MYO9A: variants seen among roughly 807,000 people sequenced by gnomAD.
MYO9A encodes the protein myosin IXA.
Under a neutral mutation model 293.3 loss-of-function variants are expected in MYO9A, and 103 were observed. That is an observed-to-expected ratio of 0.35 (90% CI 0.30 to 0.41). The LOEUF is 0.41. Ranked by LOEUF, MYO9A falls within the 10% of genes least tolerant of loss-of-function variation. MYO9A has a pLI of 1.00. For missense variants in MYO9A, 2,685 were observed against 3,033.0 expected, an observed-to-expected ratio of 0.89 and a Z score of 2.69; for synonymous variants, 1,001 against 1,035.7, an observed-to-expected ratio of 0.97 and a Z score of 0.64.
At chr15:71,982,627 C>T (rs1197875049) in intron 11 of MYO9A, among the ~76,000 whole-genome samples, 3 of 152,230 alleles carry the variant, frequency 2.0e-5, no homozygotes, top group Admixed American at 2.0e-4. Context: ...ACATTCTGCT[C>T]TGAAGGACAG....
chr15:71,842,656 G>A (rs1378247387), intron 39 of MYO9A, among the ~76,000 whole-genome samples: 11 of 151,878 alleles, frequency 7.2e-5, no homozygotes, highest in Admixed American at 5.9e-4. Context: ...TCAGGAGATC[G>A]AGACTATCCT....
At chr15:72,048,944 C>T (rs1008797872) in intron 1 of MYO9A, among the ~76,000 whole-genome samples, 1 of 152,136 alleles carries the variant, frequency 6.6e-6, no homozygotes, top group African/African-American at 2.4e-5. Context: ...ATTTACATTT[C>T]AAAATTATTT....
At chr15:72,113,941 TG>T (rs1163205670) in intron 1 of MYO9A, among the ~76,000 whole-genome samples, 3 of 152,046 alleles carry the variant, frequency 2.0e-5, no homozygotes, top group Non-Finnish European at 4.4e-5. Flanking sequence ...GATGTTGGCA[TG>T]GGGGTCACAT....
intron 21 of MYO9A, 39 bp downstream of exon 21, chr15:71,903,890 A>C: frequency 6.7e-7 from 1 of 1,497,152 alleles, no homozygotes; most frequent in Non-Finnish European, 9.3e-7. Flanking sequence ...CATTTACTTG[A>C]TGTGTCTAAA....
intron 31 of MYO9A, 52 bp downstream of exon 31, chr15:71,877,987 TA>T: frequency 6.9e-7 from 1 of 1,453,888 alleles, no homozygotes; most frequent in South Asian, 1.4e-5. Context: ...CAAACGCTCT[TA>T]AAAAGAATTC....
At chr15:72,002,297 G>T (rs1208214982) in intron 8 of MYO9A, among the ~76,000 whole-genome samples, 1 of 151,190 alleles carries the variant, frequency 6.6e-6, no homozygotes, top group Non-Finnish European at 1.5e-5. Context: ...ACCCAGGCTG[G>T]AGTGCAATGG....
At chr15:71,992,829 T>C in intron 10 of MYO9A, among the ~76,000 whole-genome samples, 1 of 151,448 alleles carries the variant, frequency 6.6e-6, no homozygotes, top group East Asian at 1.9e-4. Context: ...TAAGAATAAA[T>C]ATTTTATAAT....
intron 14 of MYO9A, among the ~76,000 whole-genome samples, chr15:71,958,287 A>G (rs2059249221): frequency 6.6e-6 from 1 of 152,108 alleles, no homozygotes. Flanking sequence ...CATTTAAACC[A>G]TTTTTACAAT....
intron 1 of MYO9A, among the ~76,000 whole-genome samples, chr15:72,116,606 T>C (rs1309386094): frequency 2.6e-5 from 4 of 152,176 alleles, no homozygotes; most frequent in Non-Finnish European, 5.9e-5. Context: ...CTTATTTTTC[T>C]AGCAAATCCA....
rs1297080833 is a variant in MYO9A at position 71,854,396 on chromosome 15, A to T, written c.6327T>A (p.Leu2109=). 3 of 1,596,182 alleles carry T rather than the reference A, an allele frequency of 1.9e-6. No individual in the cohort carries two copies. In the South Asian group the frequency reaches 3.5e-5, roughly 19 times the overall value. ...KSGSTNKIKE[L]RQGLDTDAES... ...TCTTACCTGTATCTAGACCCTGCCG[A>T]AGCTCCTTGATTTTATTAGTCGAAC... Residue 2109 remains leucine (L), a synonymous_variant, in exon 35 of 42, where the codon CTT becomes CTA. Coordinates refer to ENST00000356056, the MANE Select transcript of MYO9A (RefSeq NM_006901.4).
intron 12 of MYO9A, among the ~76,000 whole-genome samples, chr15:71,973,153 G>C (rs11852789): frequency 0.2 from 29,697 of 152,056 alleles, 3,179 homozygotes; most frequent in East Asian, 0.41. Flanking sequence ...GAATTGTGCA[G>C]GGGCAACAAA....
intron 28 of MYO9A, 145 bp from the exon 29 acceptor site, chr15:71,880,703 G>C (rs1478465536): frequency 1.4e-6 from 1 of 705,854 alleles, no homozygotes; most frequent in Non-Finnish European, 2.3e-6. Context: ...AATGTTTGAG[G>C]TTAGGCAGCT....
chr15:71,879,050 C>T (rs1279324598), intron 30 of MYO9A, among the ~76,000 whole-genome samples: 1 of 152,082 alleles, frequency 6.6e-6, no homozygotes, highest in Non-Finnish European at 1.5e-5. Flanking sequence ...CCACTGCGCC[C>T]AGCCAAGTAG....
At chr15:72,043,341 G>A (rs145970445) in intron 2 of MYO9A, among the ~76,000 whole-genome samples, 2 of 152,200 alleles carry the variant, frequency 1.3e-5, no homozygotes, top group East Asian at 3.9e-4. Context: ...CTTATCATCT[G>A]ATCTAGTCAT....
chr15:71,856,591 A>C (rs1237297928), intron 34 of MYO9A, among the ~76,000 whole-genome samples: 1 of 152,210 alleles, frequency 6.6e-6, no homozygotes, highest in Admixed American at 6.5e-5. Context: ...AAGCTACCAG[A>C]TAATTTTAAA....
intron 39 of MYO9A, among the ~76,000 whole-genome samples, chr15:71,844,401 G>A (rs750249208): frequency 7.2e-5 from 11 of 152,180 alleles, no homozygotes; most frequent in Admixed American, 2.0e-4. Context: ...GAAACAGACA[G>A]TCTTAATTAT....
intron 39 of MYO9A, among the ~76,000 whole-genome samples, chr15:71,841,855 C>T (rs2055176785): frequency 6.6e-6 from 1 of 151,218 alleles, no homozygotes; most frequent in African/African-American, 2.4e-5. Context: ...CCATGTTGCC[C>T]AGGCTGGTCT....
At chr15:71,877,936 A>T in intron 31 of MYO9A, 104 bp downstream of exon 31, 1 of 1,004,332 alleles carries the variant, frequency 1.0e-6, no homozygotes, top group South Asian at 1.8e-5. Context: ...TGTTTTTCTC[A>T]AAATAAAATT....
chr15:71,932,602 G>C (rs2058508865), intron 18 of MYO9A, among the ~76,000 whole-genome samples: 1 of 151,426 alleles, frequency 6.6e-6, no homozygotes, highest in Admixed American at 6.6e-5. Flanking sequence ...AATGGCTAGA[G>C]AAGTATACAG....
Sources: allele counts gnomAD v4.1 joint callset (sites outside exome capture counted in the v4.1 genomes callset), GRCh38; gene constraint gnomAD v4.1.1; transcripts MANE v1.5; gene names NCBI Gene and HGNC (gene_info 2026-07-23, HGNC 2026-07-21).